Variants in OR52K2 observed in about 807,000 individuals in gnomAD.
The protein encoded by OR52K2 is olfactory receptor family 52 subfamily K member 2.
OR52K2 carries 10 observed loss-of-function variants against 11.4 expected under a neutral mutation model. That is an observed-to-expected ratio of 0.88 (90% CI 0.54 to 1.49). The LOEUF is 1.49. Ranked by LOEUF, OR52K2 falls within the 40% of genes most tolerant of loss-of-function variation. The pLI, the probability that OR52K2 is intolerant of heterozygous loss-of-function variation, is 0.00. For synonymous variants in OR52K2, 199 were observed against 151.9 expected, an observed-to-expected ratio of 1.31 and a Z score of -2.28; for missense variants, 465 against 393.3, an observed-to-expected ratio of 1.18 and a Z score of -1.54.
chr11:4,449,778 G>A lies in OR52K2; in HGVS notation c.439G>A (p.Gly147Ser). ...VLTGSLITKI[G>S]MAAVARAVTL... ...GACTGGGTCCCTCATCACCAAGATT[G>A]GCATGGCTGCTGTGGCCCGGGCTGT... Residue 147 changes from glycine to serine, a missense_variant, in exon 1 of 1, where the codon GGC (glycine) becomes AGC (serine). Coordinates refer to ENST00000325719, the MANE Select transcript of OR52K2 (RefSeq NM_001005172.2). 1.2e-6 allele frequency: 2 copies of A among 1,614,078 alleles called. No individual in the cohort carries two copies. The highest frequency in any genetic ancestry group is 1.1e-5 in the South Asian group (1 of 91,068).
chr11:4,449,409 C>A lies in OR52K2; in HGVS notation c.70C>A (p.His24Asn). ...FLLVGIPGLEHLHIWISIPFC... is the reference protein window; with the variant it reads ...FLLVGIPGLENLHIWISIPFC... ...GTTGGTGGGGATTCCAGGCCTGGAA[C>A]ACCTGCACATCTGGATCTCCATCCC... Residue 24 changes from histidine to asparagine, a missense_variant, in exon 1 of 1, where the codon CAC (histidine) becomes AAC (asparagine). Coordinates refer to ENST00000325719, the MANE Select transcript of OR52K2 (RefSeq NM_001005172.2). 6.5e-7 allele frequency: 1 copy of A among 1,550,162 alleles called. No individual in the cohort carries two copies. The highest frequency in any genetic ancestry group is 8.7e-7 in the Non-Finnish European group (1 of 1,149,728).
chr11:4,449,296 G>T lies in OR52K2; in HGVS notation c.-44G>T. ...GCTGATATTGAATATTCTCTGGAAG[G>T]GCCCTGTGGAAGCAGATAAGGAGGA... On this transcript the variant is annotated 5_prime_UTR_variant, in exon 1 of 1. Coordinates refer to ENST00000325719, the MANE Select transcript of OR52K2 (RefSeq NM_001005172.2). 8.1e-7 allele frequency: 1 copy of T among 1,227,270 alleles called. No individual in the cohort carries two copies. The highest frequency in any genetic ancestry group is 1.1e-6 in the Non-Finnish European group (1 of 882,694). The allele number at this position is 1,227,270 out of a possible 1,614,324, so 76.0% of individuals were successfully genotyped here.
chr11:4,450,276 G>T lies in OR52K2; in HGVS notation c.937G>T (p.Asp313Tyr), dbSNP rs761696597. The change falls in exon 1 of 1, where the codon GAT becomes TAT. Residue 313 changes from aspartate (D) to tyrosine (Y), a missense_variant. Asp to Tyr is a radical substitution (Grantham distance 160). Transcript: ENST00000325719. ...ESILGVFPRK[D>Y]M is the part of the protein sequence containing the mutation. ...CATCTTGGGAGTATTCCCAAGAAAG[G>T]ATATGTAGAGGGTGAGGTGGAGAAA... is the stretch of plus-strand genomic sequence containing the variant. 6.2e-7 allele frequency: 1 copy of T among 1,607,844 alleles called. No homozygotes were observed. Among genetic ancestry groups the T allele is most frequent in the Non-Finnish European group, 8.5e-7 (1 of 1,175,546 alleles).
Position 4,450,215 on chromosome 11 carries a change from A to C in OR52K2, c.876A>C (p.Ile292=), listed in dbSNP as rs201981949. The C allele has an allele frequency of 1.9e-6, 3 of 1,613,924 alleles. No individual in the cohort carries two copies. The highest frequency in any genetic ancestry group is 2.2e-5 in the South Asian group (2 of 91,068). ...YLLFPPMVNP[I]IYGVKTKQIR... is the part of the protein sequence containing the mutation. ...TCTTCCCACCCATGGTCAATCCCAT[A>C]ATCTATGGTGTCAAGACCAAGCAAA... The change falls in exon 1 of 1, where the codon ATA becomes ATC. Residue 292 remains isoleucine (I), a synonymous_variant. Coordinates refer to ENST00000325719, the MANE Select transcript of OR52K2 (RefSeq NM_001005172.2).
rs745468248 is a variant in OR52K2 at position 4,450,234 on chromosome 11, A to G, written c.895A>G (p.Lys299Glu). Reference protein sequence around the residue: ...VNPIIYGVKTKQIRESILGVF... With the variant: ...VNPIIYGVKTEQIRESILGVF... ...TCCCATAATCTATGGTGTCAAGACC[A>G]AGCAAATCCGTGAGAGCATCTTGGG... The change falls in exon 1 of 1, where the codon AAG (lysine) becomes GAG (glutamate). Residue 299 changes from lysine (K) to glutamate (E), a missense_variant. By Grantham distance (56) the Lys-to-Glu change is moderately conservative. Transcript: ENST00000325719. 2.5e-6 allele frequency: 4 copies of G among 1,614,114 alleles called. No homozygotes were observed. Among genetic ancestry groups the G allele is most frequent in the Non-Finnish European group, 3.4e-6 (4 of 1,180,002 alleles).
rs1188598918 is a variant in OR52K2, at chr11:4,449,460, C to T, written c.121C>T (p.Leu41=). 3.1e-6 allele frequency: 5 copies of T among 1,603,484 alleles called. No homozygotes were observed. The highest frequency in any genetic ancestry group is 2.6e-6 in the Non-Finnish European group (3 of 1,174,564). ...TTTCTGCTTAGCATATACACTGGCC[C>T]TGCTTGGAAACTGCACTCTCCTTCT... ...IPFCLAYTLA[L]LGNCTLLLII... is the part of the protein sequence containing the mutation. Residue 41 remains leucine, a synonymous_variant, in exon 1 of 1, where the codon CTG becomes TTG. Coordinates refer to ENST00000325719, the MANE Select transcript of OR52K2 (RefSeq NM_001005172.2).
chr11:4,449,822 C>T lies in OR52K2; in HGVS notation c.483C>T (p.Leu161=), dbSNP rs760734800. 106 of 1,614,026 alleles carry T rather than the reference C, an allele frequency of 6.6e-5. No homozygotes were observed. In the Admixed American group the frequency reaches 1.7e-3, roughly 26 times the overall value. ...VARAVTLMTP[L]PFLLRCFHYC... ...GGGCTGTGACACTAATGACTCCACT[C>T]CCCTTCCTGCTGAGATGTTTCCACT... The change falls in exon 1 of 1, where the codon CTC becomes CTT. Residue 161 remains leucine, a synonymous_variant. Transcript: ENST00000325719.
chr11:4,449,886 C>T lies in OR52K2; in HGVS notation c.547C>T (p.His183Tyr), dbSNP rs776585202. Residue 183 changes from histidine (H) to tyrosine (Y), a missense_variant, in exon 1 of 1, where the codon CAC becomes TAC. By Grantham distance (83) the His-to-Tyr change is moderately conservative (BLOSUM62 2). Transcript: ENST00000325719. ...GPVIAHCYCE[H>Y]MAVVRLACGD... ...AGTGATCGCTCACTGCTACTGTGAA[C>T]ACATGGCTGTGGTGAGGCTGGCGTG... 3 of 1,614,202 alleles carry T rather than the reference C, an allele frequency of 1.9e-6. No individual in the cohort carries two copies. The highest frequency in any genetic ancestry group is 2.5e-6 in the Non-Finnish European group (3 of 1,180,046).
Position 4,450,273 on chromosome 11 carries a change from AAG to A in OR52K2, c.935_936del (p.Lys312ArgfsTer24). 1 of 1,608,308 alleles carries A rather than the reference AAG, an allele frequency of 6.2e-7. No homozygotes were observed. Among genetic ancestry groups the A allele is most frequent in the South Asian group, 1.1e-5 (1 of 90,570 alleles). On this transcript the variant is annotated frameshift_variant, in exon 1 of 1. Transcript: ENST00000325719. LOFTEE classifies it high-confidence loss of function. ...GAGCATCTTGGGAGTATTCCCAAGAAAGGATATGTAGAGGGTGAGGTGGAGAA... is the reference window on the plus strand; with the variant it reads ...GAGCATCTTGGGAGTATTCCCAAGAAGATATGTAGAGGGTGAGGTGGAGAA... ...RESILGVFPR[K>X]DM
rs11032296 is a variant in OR52K2, at chr11:4,449,709, C to T, written c.370C>T (p.Arg124Cys). Residue 124 changes from arginine to cysteine, a missense_variant, in exon 1 of 1, where the codon CGC becomes TGC. Arg to Cys is a radical substitution (Grantham distance 180, BLOSUM62 -3). Transcript: ENST00000325719. ...AGTGCTGCTGGCCATGGCCTTTGAC[C>T]GCTATGTGGCTATCTGCAAGCCACT... ...SAVLLAMAFD[R>C]YVAICKPLHY... is the part of the protein sequence containing the mutation. The T allele has an allele frequency of 6.7e-3, 10,892 of 1,614,108 alleles. 560 individuals are homozygous for T. The African/African-American group carries it at 0.11, about 16-fold the overall frequency.
In OR52K2 at chr11:4,450,106, C is replaced by T; in HGVS notation, c.767C>T (p.Thr256Ile). The change falls in exon 1 of 1, where the codon ACT (threonine) becomes ATT (isoleucine). Residue 256 changes from threonine to isoleucine, a missense_variant. Physicochemically the swap from Thr to Ile is moderately conservative, Grantham distance 89. Transcript: ENST00000325719. ...GGTGCCATCTTAGCCTTCTACACAA[C>T]TGTGGTCATCTCTTCAGTCATGCAC... ...HIGAILAFYT[T>I]VVISSVMHRV... 1.2e-6 allele frequency: 2 copies of T among 1,614,158 alleles called. No individual in the cohort carries two copies. The highest frequency in any genetic ancestry group is 1.7e-6 in the Non-Finnish European group (2 of 1,180,026).
Position 4,449,532 on chromosome 11 carries a change from C to T in OR52K2, c.193C>T (p.Leu65=). The T allele has an allele frequency of 5.6e-6, 9 of 1,614,018 alleles. No homozygotes were observed. Among genetic ancestry groups the T allele is most frequent in the South Asian group, 3.3e-5 (3 of 91,044 alleles). The change falls in exon 1 of 1, where the codon CTG becomes TTG. Residue 65 remains leucine, a synonymous_variant. Coordinates refer to ENST00000325719, the MANE Select transcript of OR52K2 (RefSeq NM_001005172.2). ...AALHEPMYLF[L]AMLAAIDLVL... ...CCTCCATGAACCCATGTACCTCTTTCTGGCCATGTTGGCAGCCATCGACCT... is the reference window on the plus strand; with the variant it reads ...CCTCCATGAACCCATGTACCTCTTTTTGGCCATGTTGGCAGCCATCGACCT...
Position 4,450,164 on chromosome 11 carries a change from C to T in OR52K2, c.825C>T (p.His275=). The change falls in exon 1 of 1, where the codon CAC becomes CAT. Residue 275 remains histidine, a synonymous_variant. Coordinates refer to ENST00000325719, the MANE Select transcript of OR52K2 (RefSeq NM_001005172.2). ...CCCGCCATGCTGCCCCTCATGTCCA[C>T]ATCCTCCTTGCCAATTTCTATCTGC... ...RVARHAAPHV[H]ILLANFYLLF... is the part of the protein sequence containing the mutation. 3.7e-6 allele frequency: 6 copies of T among 1,614,112 alleles called. No individual in the cohort carries two copies. Among genetic ancestry groups the T allele is most frequent in the Non-Finnish European group, 4.2e-6 (5 of 1,180,012 alleles).
Position 4,449,376 on chromosome 11 carries a change from G to T in OR52K2, c.37G>T (p.Ala13Ser), listed in dbSNP as rs1846063386. The T allele has an allele frequency of 6.5e-7, 1 of 1,532,088 alleles. No homozygotes were observed. The highest frequency in any genetic ancestry group is 1.4e-5 in the African/African-American group (1 of 72,100). The allele number at this position is 1,532,088 out of a possible 1,614,324, so 94.9% of individuals were successfully genotyped here. A position where few individuals can be genotyped will look rare whatever the true frequency, so the allele number is the denominator to read the frequency against. Reference protein sequence around the residue: ...ASNITLTHPTAFLLVGIPGLE... With the variant: ...ASNITLTHPTSFLLVGIPGLE... ...CAATATCACCTTAACACATCCAACT[G>T]CCTTCTTGTTGGTGGGGATTCCAGG... is the stretch of plus-strand genomic sequence containing the variant. Residue 13 changes from alanine to serine, a missense_variant, in exon 1 of 1, where the codon GCC becomes TCC. By Grantham distance (99) the Ala-to-Ser change is moderately conservative (BLOSUM62 1). Transcript: ENST00000325719.
chr11:4,450,018 G>A lies in OR52K2; in HGVS notation c.679G>A (p.Val227Ile). Residue 227 changes from valine (V) to isoleucine (I), a missense_variant, in exon 1 of 1, where the codon GTT becomes ATT. Coordinates refer to ENST00000325719, the MANE Select transcript of OR52K2 (RefSeq NM_001005172.2). ...GTCTTATATCTTTATTCTTCAGGCA[G>A]TTCTACTGCTTGCCTCTCAGGAGGC... ...ILSYIFILQA[V>I]LLLASQEARY... is the part of the protein sequence containing the mutation. 1 of 1,614,150 alleles carries A rather than the reference G, an allele frequency of 6.2e-7. No homozygotes were observed. The highest frequency in any genetic ancestry group is 8.5e-7 in the Non-Finnish European group (1 of 1,180,036).
chr11:4,449,333 A>T lies in OR52K2; in HGVS notation c.-7A>T. The T allele has an allele frequency of 6.6e-7, 1 of 1,503,762 alleles. No homozygotes were observed. Among genetic ancestry groups the T allele is most frequent in the South Asian group, 1.4e-5 (1 of 73,258 alleles). 93.2% of individuals were successfully genotyped at this position (1,503,762 alleles called of 1,614,324 possible). ...GCAGATAAGGAGGAAGAGAATTCCC[A>T]GGAGCCATGTCAGCCTCCAATATCA... is the stretch of plus-strand genomic sequence containing the variant. On this transcript the variant is annotated 5_prime_UTR_variant, in exon 1 of 1. Coordinates refer to ENST00000325719, the MANE Select transcript of OR52K2 (RefSeq NM_001005172.2).
At position 4,449,984 on chromosome 11, in the gene OR52K2, T is replaced by C. The variant is rs1166132018; in HGVS notation, c.645T>C (p.Leu215=). The change falls in exon 1 of 1, where the codon CTT becomes CTC. Residue 215 remains leucine, a synonymous_variant. Coordinates refer to ENST00000325719, the MANE Select transcript of OR52K2 (RefSeq NM_001005172.2). ...AMFIVVLDLL[L]VILSYIFILQ... ...TTATTGTGGTGTTGGACCTGCTCCTTGTTATCCTGTCTTATATCTTTATTC... is the reference window on the plus strand; with the variant it reads ...TTATTGTGGTGTTGGACCTGCTCCTCGTTATCCTGTCTTATATCTTTATTC... The C allele has an allele frequency of 6.2e-7, 1 of 1,614,208 alleles. No homozygotes were observed. Among genetic ancestry groups the C allele is most frequent in the Admixed American group, 1.7e-5 (1 of 60,030 alleles).
At position 4,449,553 on chromosome 11, in the gene OR52K2, G is replaced by C. The variant is rs200812096; in HGVS notation, c.214G>C (p.Asp72His). ...CTTTCTGGCCATGTTGGCAGCCATC[G>C]ACCTGGTCCTTTCCTCCTCAGCACT... ...YLFLAMLAAI[D>H]LVLSSSALPK... Residue 72 changes from aspartate to histidine, a missense_variant, in exon 1 of 1, where the codon GAC becomes CAC. Physicochemically the swap from Asp to His is moderately conservative, Grantham distance 81. Coordinates refer to ENST00000325719, the MANE Select transcript of OR52K2 (RefSeq NM_001005172.2). The C allele has an allele frequency of 1.0e-4, 169 of 1,613,976 alleles. No homozygotes were observed. Among genetic ancestry groups the C allele is most frequent in the Non-Finnish European group, 1.4e-4 (161 of 1,180,016 alleles).
chr11:4,449,690 G>T lies in OR52K2; in HGVS notation c.351G>T (p.Leu117=), dbSNP rs1273440471. The change falls in exon 1 of 1, where the codon CTG becomes CTT. Residue 117 remains leucine, a synonymous_variant. Transcript: ENST00000325719. ...TCTCCATCATGGAGTCAGCAGTGCTGCTGGCCATGGCCTTTGACCGCTATG... is the reference window on the plus strand; with the variant it reads ...TCTCCATCATGGAGTCAGCAGTGCTTCTGGCCATGGCCTTTGACCGCTATG... ...HSFSIMESAV[L]LAMAFDRYVA... The T allele has an allele frequency of 2.5e-6, 4 of 1,614,154 alleles. No homozygotes were observed. The highest frequency in any genetic ancestry group is 3.4e-6 in the Non-Finnish European group (4 of 1,180,018).
Sources: allele counts gnomAD v4.1 joint callset, GRCh38; gene constraint gnomAD v4.1.1; transcripts MANE v1.5; gene names NCBI Gene and HGNC (gene_info 2026-07-23, HGNC 2026-07-21).